MGRN1: variants seen among roughly 807,000 people sequenced by gnomAD.
The protein encoded by MGRN1 is E3 ubiquitin-protein ligase MGRN1.
MGRN1 carries 29 observed loss-of-function variants against 69.2 expected under a neutral mutation model. The observed-to-expected ratio is 0.42, with a 90% CI of 0.31 to 0.57. The LOEUF is 0.57. Among genes scored for constraint, MGRN1 ranks in the 20% least tolerant of loss-of-function variants. MGRN1 has a pLI of 0.15. For missense variants in MGRN1, 998 were observed against 796.2 expected (o/e 1.25, Z -3.05); for synonymous variants, 470 against 344.2 (o/e 1.37, Z -4.04).
At chr16:4,646,581 G>A (rs1046219797) in intron 1 of MGRN1, among the ~76,000 whole-genome samples, 3 of 152,158 alleles carry the variant, frequency 2.0e-5, no homozygotes, top group African/African-American at 4.8e-5. Context: ...CTGCTTGGGT[G>A]TCCTCACAGC....
At chr16:4,678,476 TGGAGAGACATAG>T (rs1328654800) in intron 11 of MGRN1, among the ~76,000 whole-genome samples, 1 of 150,322 alleles carries the variant, frequency 6.7e-6, no homozygotes, top group African/African-American at 2.5e-5. Flanking sequence ...GAGAAAGATG[TGGAGAGACATAG>T]GGAGAGACTG....
At chr16:4,630,169 T>C (rs754238389) in intron 1 of MGRN1, among the ~76,000 whole-genome samples, 10 of 150,422 alleles carry the variant, frequency 6.6e-5, no homozygotes, top group Middle Eastern at 3.5e-3. Flanking sequence ...CTGGGCAACA[T>C]GGTGAAACTC....
intron 16 of MGRN1, among the ~76,000 whole-genome samples, chr16:4,684,800 G>A (rs950849168): frequency 1.3e-5 from 2 of 152,366 alleles, no homozygotes; most frequent in Admixed American, 6.5e-5. Flanking sequence ...AAACAGCCAC[G>A]GTGCTTTCAG....
At chr16:4,664,583 GT>G in intron 5 of MGRN1, 125 bp from the exon 6 acceptor site, 1 of 923,980 alleles carries the variant, frequency 1.1e-6, no homozygotes, top group Non-Finnish European at 1.7e-6. Flanking sequence ...ATCTCGAGGC[GT>G]GTCCTCTGAG....
chr16:4,682,562 CCTT>C (rs1596317667), intron 13 of MGRN1, among the ~76,000 whole-genome samples: 1 of 151,906 alleles, frequency 6.6e-6, no homozygotes, highest in Non-Finnish European at 1.5e-5. Context: ...TTTCTCTTCT[CCTT>C]CTAGAAAGAA....
At chr16:4,664,984 CTA>C in intron 6 of MGRN1, 116 bp from the exon 7 acceptor site, 1 of 1,287,972 alleles carries the variant, frequency 7.8e-7, no homozygotes, top group Admixed American at 1.9e-5. Flanking sequence ...GCTCAGGACT[CTA>C]TGGACTCTGT....
At chr16:4,625,727 G>A (rs1897644230) in intron 1 of MGRN1, among the ~76,000 whole-genome samples, 1 of 152,338 alleles carries the variant, frequency 6.6e-6, no homozygotes, top group Non-Finnish European at 1.5e-5. Context: ...CCAGCTGTGG[G>A]GCTCCCACGT....
At chr16:4,644,465 C>T (rs377642022) in intron 1 of MGRN1, among the ~76,000 whole-genome samples, 94 of 152,056 alleles carry the variant, frequency 6.2e-4, no homozygotes, top group Admixed American at 9.8e-4. Context: ...CACACACCAC[C>T]ACGCCTGGGT....
intron 16 of MGRN1, among the ~76,000 whole-genome samples, chr16:4,684,901 G>A (rs893112684): frequency 2.6e-5 from 4 of 152,232 alleles, no homozygotes; most frequent in African/African-American, 9.7e-5. Context: ...GCCCACCATT[G>A]CTCAATCCTC....
chr16:4,682,623 C>T (rs950990142), intron 13 of MGRN1, among the ~76,000 whole-genome samples, 200 bp from the exon 14 acceptor site: 5 of 148,706 alleles, frequency 3.4e-5, no homozygotes, highest in South Asian at 2.2e-4. Flanking sequence ...CTCTGTCGGG[C>T]GGGTCTGTGG....
chr16:4,672,006 A>T (rs1005487819), intron 9 of MGRN1, among the ~76,000 whole-genome samples: 3 of 152,148 alleles, frequency 2.0e-5, no homozygotes, highest in African/African-American at 7.2e-5. Context: ...CCCGGGTTCA[A>T]GCGATTCTCC....
intron 12 of MGRN1, among the ~76,000 whole-genome samples, chr16:4,680,837 C>T (rs561502561): frequency 3.3e-5 from 5 of 152,322 alleles, no homozygotes; most frequent in African/African-American, 9.6e-5. Flanking sequence ...AGGCATCCCG[C>T]ACCCATCTCA....
intron 1 of MGRN1, among the ~76,000 whole-genome samples, chr16:4,627,563 G>C (rs1404591248): frequency 6.6e-6 from 1 of 152,170 alleles, no homozygotes; most frequent in African/African-American, 2.4e-5. Context: ...CAAGGCGGGC[G>C]GATCACAAGG....
At chr16:4,680,909 C>T (rs563716181) in intron 12 of MGRN1, among the ~76,000 whole-genome samples, 45 of 152,330 alleles carry the variant, frequency 3.0e-4, no homozygotes, top group African/African-American at 9.4e-4. Context: ...GGAGCACTGA[C>T]GAGCGTTGTG....
intron 1 of MGRN1, among the ~76,000 whole-genome samples, chr16:4,646,934 C>G (rs997471851): frequency 1.3e-5 from 2 of 152,286 alleles, no homozygotes; most frequent in Admixed American, 1.3e-4. Context: ...CTGGCAGGGA[C>G]AAGCCCGCTC....
intron 8 of MGRN1, among the ~76,000 whole-genome samples, chr16:4,668,821 C>G (rs1047660768): frequency 1.3e-5 from 2 of 151,116 alleles, no homozygotes; most frequent in Non-Finnish European, 2.9e-5. Flanking sequence ...CAGACACACA[C>G]TCATACACAT....
chr16:4,665,113 A>G lies in MGRN1; in HGVS notation c.640A>G (p.Thr214Ala), dbSNP rs557550690. Residue 214 changes from threonine to alanine, a missense_variant, in exon 7 of 17, where the codon ACT becomes GCT. Thr to Ala is a moderately conservative substitution (Grantham distance 58). Transcript: ENST00000262370. ...TCTCTCCCCAGCAGTGGTGGAAGTG[A>G]CTGGCCACGCCCACGTGCTCTTGGC... ...VVDEGDVVEV[T>A]GHAHVLLAAF... is the part of the protein sequence containing the mutation. 3.1e-5 allele frequency: 50 copies of G among 1,614,036 alleles called. No individual in the cohort carries two copies. Among genetic ancestry groups the G allele is most frequent in the Non-Finnish European group, 4.0e-5 (47 of 1,180,026 alleles).
intron 1 of MGRN1, among the ~76,000 whole-genome samples, chr16:4,637,546 G>A (rs1025338573): frequency 3.3e-5 from 5 of 152,174 alleles, no homozygotes; most frequent in Admixed American, 6.5e-5. Flanking sequence ...CCTTAGTGCC[G>A]TTTATGGAAG....
intron 7 of MGRN1, among the ~76,000 whole-genome samples, chr16:4,666,422 G>A (rs766654087): frequency 6.6e-6 from 1 of 152,160 alleles, no homozygotes; most frequent in African/African-American, 2.4e-5. Context: ...GTGAGCCACC[G>A]TACCTGGCCA....
Sources: allele counts gnomAD v4.1 joint callset (sites outside exome capture counted in the v4.1 genomes callset), GRCh38; gene constraint gnomAD v4.1.1; transcripts MANE v1.5; gene names NCBI Gene and HGNC (gene_info 2026-07-23, HGNC 2026-07-21).